The following NIPBL variants were observed in gnomAD, a reference collection of about 807,000 sequenced individuals.
NIPBL encodes the protein NIPBL cohesin loading factor.
NIPBL carries 19 observed loss-of-function variants against 321.8 expected under a neutral mutation model. That is an observed-to-expected ratio of 0.06 (90% CI 0.04 to 0.09). The LOEUF is 0.09. Among genes scored for constraint, NIPBL ranks in the 10% least tolerant of loss-of-function variants. The pLI is 1.00. For missense variants in NIPBL, 2,210 were observed against 3,327.0 expected (o/e 0.66, Z 8.26); for synonymous variants, 1,106 against 1,114.1 (o/e 0.99, Z 0.14).
chr5:37,017,434 CAT>C (rs1030211431), intron 24 of NIPBL, among the ~76,000 whole-genome samples: 16 of 151,976 alleles, frequency 1.1e-4, no homozygotes, highest in African/African-American at 3.6e-4. Context: ...TTTGATTTAA[CAT>C]AAATTTTATT....
At chr5:37,027,104 G>T (rs1750369738) in intron 31 of NIPBL, among the ~76,000 whole-genome samples, 1 of 151,976 alleles carries the variant, frequency 6.6e-6, no homozygotes, top group East Asian at 1.9e-4. Flanking sequence ...TTAAACTTAT[G>T]CCACTTTAAA....
At chr5:37,013,891 A>G (rs946699008) in intron 21 of NIPBL, among the ~76,000 whole-genome samples, 4 of 152,224 alleles carry the variant, frequency 2.6e-5, no homozygotes, top group Non-Finnish European at 5.9e-5. Context: ...AGCCGAGATC[A>G]CGCCACTGCA....
rs571125701 is a variant in NIPBL at position 36,984,611 on chromosome 5, A to G, written c.1496-65A>G. 24 of 1,425,216 alleles carry G rather than the reference A, an allele frequency of 1.7e-5. No homozygotes were observed. The African/African-American group carries it at 3.3e-4, about 20-fold the overall frequency. 88.3% of individuals were successfully genotyped at this position (1,425,216 alleles called of 1,614,324 possible). A position where few individuals can be genotyped will look rare whatever the true frequency, so the allele number is the denominator to read the frequency against. On this transcript the variant is annotated intron_variant, in intron 9 of 46. Coordinates refer to ENST00000282516, the MANE Select transcript of NIPBL (RefSeq NM_133433.4). ...CCTTAAAAAGATAAACAACGTCCAT[A>G]GGGTTTTTAATAAGATAAGAATACA...
At chr5:36,904,413 G>T (rs1747471662) in intron 1 of NIPBL, among the ~76,000 whole-genome samples, 1 of 152,238 alleles carries the variant, frequency 6.6e-6, no homozygotes, top group Non-Finnish European at 1.5e-5. Flanking sequence ...AGGTTGCAGT[G>T]AGTCAAGATT....
intron 1 of NIPBL, among the ~76,000 whole-genome samples, chr5:36,878,990 G>T (rs542343691): frequency 2.8e-5 from 4 of 143,982 alleles, no homozygotes; most frequent in Admixed American, 1.4e-4. Flanking sequence ...GTGTGCGAGT[G>T]GGGGGCATGC....
intron 11 of NIPBL, among the ~76,000 whole-genome samples, chr5:36,999,833 A>G (rs1746579307): frequency 1.3e-5 from 2 of 152,206 alleles, no homozygotes; most frequent in South Asian, 2.1e-4. Flanking sequence ...TTGTCATGTT[A>G]GGTCACCAGG....
At chr5:36,963,470 G>A (rs919902764) in intron 6 of NIPBL, among the ~76,000 whole-genome samples, 4 of 151,808 alleles carry the variant, frequency 2.6e-5, no homozygotes, top group African/African-American at 4.8e-5. Context: ...TTTTACACAC[G>A]AACTCAAGGA....
intron 1 of NIPBL, among the ~76,000 whole-genome samples, chr5:36,879,907 C>T (rs1313974592): frequency 6.6e-6 from 1 of 151,920 alleles, no homozygotes; most frequent in Non-Finnish European, 1.5e-5. Flanking sequence ...TAGGATGCTT[C>T]CTTTTTAAAG....
intron 1 of NIPBL, among the ~76,000 whole-genome samples, chr5:36,927,691 G>T (rs1561395551): frequency 6.6e-6 from 1 of 152,154 alleles, no homozygotes; most frequent in African/African-American, 2.4e-5. Context: ...ACAGTATAAG[G>T]AATTTATTTT....
chr5:37,044,626 T>C lies in NIPBL; in HGVS notation c.6250-10T>C. ...TTAACTTTTATCTAAACATTTTCTA[T>C]ATCTTTTAGGTAGTGCAACATTGTG... On this transcript the variant is annotated splice_polypyrimidine_tract_variant and intron_variant, in intron 35 of 46. Coordinates refer to ENST00000282516, the MANE Select transcript of NIPBL (RefSeq NM_133433.4). The C allele has an allele frequency of 2.5e-6, 4 of 1,609,044 alleles. 1 individual carries two copies. The South Asian group carries it at 3.3e-5, about 13-fold the overall frequency.
At chr5:36,933,522 C>T (rs1008071299) in intron 1 of NIPBL, among the ~76,000 whole-genome samples, 6 of 151,822 alleles carry the variant, frequency 4.0e-5, no homozygotes, top group South Asian at 2.1e-4. Context: ...AAATTTGATC[C>T]GATTTCAGGA....
chr5:36,962,098 T>G (rs1243911203), intron 5 of NIPBL, 25 bp from the exon 6 acceptor site: 1 of 1,613,894 alleles, frequency 6.2e-7, no homozygotes, highest in Non-Finnish European at 8.5e-7. Context: ...TCCTTATATT[T>G]TTTTATTTGG....
chr5:36,945,443 A>T (rs1235447795), intron 1 of NIPBL, among the ~76,000 whole-genome samples: 3 of 152,278 alleles, frequency 2.0e-5, no homozygotes, highest in Middle Eastern at 6.8e-3. Context: ...CCTAAATCTC[A>T]ACTTTATTTA....
At chr5:36,907,074 G>A (rs1176807153) in intron 1 of NIPBL, among the ~76,000 whole-genome samples, 1 of 152,092 alleles carries the variant, frequency 6.6e-6, no homozygotes, top group Non-Finnish European at 1.5e-5. Flanking sequence ...TGAATATATA[G>A]CCAAGTTTTA....
rs114150525 is a variant in NIPBL at position 37,038,858 on chromosome 5, A to G, written c.6108+120A>G. On this transcript the variant is annotated intron_variant, in intron 34 of 46. Transcript: ENST00000282516. ...GATCAACTGTGTCATTTACTTAGAT[A>G]TATGTACTATTTGTAGCAAGTGATC... is the stretch of plus-strand genomic sequence containing the variant. The G allele has an allele frequency of 7.0e-3, 7,014 of 995,610 alleles. 27 individuals carry two copies. Among genetic ancestry groups the G allele is most frequent in the Non-Finnish European group, 8.6e-3 (5,721 of 666,798 alleles). The allele number at this position is 995,610 out of a possible 1,614,324, so 61.7% of individuals were successfully genotyped here. A position where few individuals can be genotyped will look rare whatever the true frequency, so the allele number is the denominator to read the frequency against.
intron 1 of NIPBL, among the ~76,000 whole-genome samples, chr5:36,881,756 G>C (rs377037117): frequency 1.7e-3 from 252 of 152,058 alleles, no homozygotes; most frequent in African/African-American, 5.9e-3. Context: ...CAAAGAAGCT[G>C]AAATAGAATT....
intron 25 of NIPBL, 46 bp downstream of exon 25, chr5:37,019,446 A>G (rs1749374583): frequency 7.0e-7 from 1 of 1,423,086 alleles, no homozygotes; most frequent in Admixed American, 1.7e-5. Context: ...TGTTTATTTA[A>G]ATTGGGTTTA....
intron 1 of NIPBL, among the ~76,000 whole-genome samples, chr5:36,937,364 A>G (rs1011845204): frequency 1.4e-4 from 21 of 152,124 alleles, no homozygotes; most frequent in African/African-American, 5.1e-4. Context: ...CTAACACCCA[A>G]TTTTGAGAAA....
intron 11 of NIPBL, 73 bp from the exon 12 acceptor site, chr5:37,000,300 T>G (rs1480551041): frequency 4.2e-6 from 6 of 1,443,856 alleles, no homozygotes; most frequent in Non-Finnish European, 5.8e-6. Context: ...CCCATGTGAT[T>G]CATTTGTAAA....
Sources: gnomAD v4.1 joint callset for allele counts (sites outside exome capture counted in the v4.1 genomes callset) on GRCh38, gnomAD v4.1.1 for gene constraint, MANE v1.5 for transcripts, NCBI Gene and HGNC (gene_info 2026-07-23, HGNC 2026-07-21) for gene names.